The following MAN2A1 variants were observed in gnomAD, a reference collection of about 807,000 sequenced individuals.
The protein encoded by MAN2A1 is alpha-mannosidase 2.
In MAN2A1, 76 loss-of-function variants were observed where a neutral mutation model predicts 142.6. The ratio of observed to expected loss-of-function variants is 0.53; its 90% confidence interval spans 0.44 to 0.65. The LOEUF (loss-of-function observed/expected upper bound fraction) is 0.65. MAN2A1 is among the 30% of genes least tolerant of loss of function. The pLI, the probability that MAN2A1 is intolerant of heterozygous loss-of-function variation, is 0.00. For synonymous variants in MAN2A1, 559 were observed against 473.2 expected, an observed-to-expected ratio of 1.18 and a Z score of -2.35; for missense variants, 1,311 against 1,365.1, an observed-to-expected ratio of 0.96 and a Z score of 0.62.
Position 109,817,332 on chromosome 5 carries a change from T to C in MAN2A1, c.2003T>C (p.Val668Ala), listed in dbSNP as rs748112703. Residue 668 changes from valine (V) to alanine (A), a missense_variant, in exon 13 of 22, where the codon GTG becomes GCG. Val to Ala is a moderately conservative substitution (Grantham distance 64). Coordinates refer to ENST00000261483, the MANE Select transcript of MAN2A1 (RefSeq NM_002372.4). ...QDRISLVSVY[V>A]SSPTVQVFSA... ...CGAATCTCGTTGGTCTCAGTCTATG[T>C]GAGTTCCCCGACAGTGCAAGTGTTC... 36 of 1,614,070 alleles carry C rather than the reference T, an allele frequency of 2.2e-5. No homozygotes were observed. The highest frequency in any genetic ancestry group is 3.3e-5 in the Admixed American group (2 of 60,002).
chr5:109,865,842 C>G (rs1291751466), intron 21 of MAN2A1, among the ~76,000 whole-genome samples: 1 of 152,200 alleles, frequency 6.6e-6, no homozygotes, highest in African/African-American at 2.4e-5. Flanking sequence ...AACAAACCTC[C>G]AATCTCCTGC....
At chr5:109,807,701 G>A (rs1046689955) in intron 12 of MAN2A1, among the ~76,000 whole-genome samples, 6 of 152,088 alleles carry the variant, frequency 3.9e-5, no homozygotes, top group African/African-American at 1.2e-4. Context: ...ACCGTGAGCT[G>A]TAATTTAATC....
chr5:109,778,083 C>CAAA (rs373860065), intron 8 of MAN2A1, among the ~76,000 whole-genome samples: 11 of 145,408 alleles, frequency 7.6e-5, no homozygotes, highest in Middle Eastern at 7.3e-3. Context: ...AAATTTCTAC[C>CAAA]AAAAAAAAAA....
chr5:109,783,363 A>G (rs903558231), intron 9 of MAN2A1, among the ~76,000 whole-genome samples: 5 of 152,172 alleles, frequency 3.3e-5, no homozygotes, highest in Admixed American at 3.3e-4. Flanking sequence ...TATAGGGAAG[A>G]CAATATTTCC....
intron 12 of MAN2A1, among the ~76,000 whole-genome samples, chr5:109,798,950 C>G (rs984783218): frequency 1.3e-5 from 2 of 152,140 alleles, no homozygotes; most frequent in African/African-American, 4.8e-5. Flanking sequence ...CCTCAGCCTC[C>G]AAAAGTGCTG....
intron 1 of MAN2A1, among the ~76,000 whole-genome samples, chr5:109,691,763 A>G (rs1056056726): frequency 6.6e-6 from 1 of 152,218 alleles, no homozygotes; most frequent in South Asian, 2.1e-4. Flanking sequence ...AGAGAGATGT[A>G]TCAAAATTTT....
chr5:109,755,266 T>G lies in MAN2A1; in HGVS notation c.708-63T>G, dbSNP rs1752658224. 6 of 1,272,230 alleles carry G rather than the reference T, an allele frequency of 4.7e-6. No homozygotes were observed. In the Admixed American group the frequency reaches 1.1e-4, roughly 23 times the overall value. 78.8% of individuals were successfully genotyped at this position (1,272,230 alleles called of 1,614,324 possible). The stretch of plus-strand genomic sequence containing the variant: ...GCTGTTCTTAATGTTTATGCTTGTT[T>G]AGTTTTTCATTTGAACTTTTCTTAA... On this transcript the variant is annotated intron_variant, in intron 4 of 21. Coordinates refer to ENST00000261483, the MANE Select transcript of MAN2A1 (RefSeq NM_002372.4).
intron 5 of MAN2A1, among the ~76,000 whole-genome samples, chr5:109,762,370 T>G (rs1582871600): frequency 1.3e-5 from 2 of 152,172 alleles, no homozygotes; most frequent in East Asian, 3.9e-4. Flanking sequence ...CTTTGCTCCT[T>G]TTGTCTGTTT....
chr5:109,861,185 C>A (rs1013560798), intron 20 of MAN2A1, among the ~76,000 whole-genome samples: 1 of 152,128 alleles, frequency 6.6e-6, no homozygotes, highest in African/African-American at 2.4e-5. Flanking sequence ...TAATAATACT[C>A]ACCTTAGAGA....
In MAN2A1 at chr5:109,774,950, C is replaced by A. The variant is rs765330250; in HGVS notation, c.1359C>A (p.Ser453=). The change falls in exon 8 of 22, where the codon TCC becomes TCA. Residue 453 remains serine, a synonymous_variant. Coordinates refer to ENST00000261483, the MANE Select transcript of MAN2A1 (RefSeq NM_002372.4). ...QQLFDYMNSQ[S]KFKVKIQFGT... ...TTTTTGATTATATGAATTCTCAGTCCAAGTTTAAAGTTAAGGTAAGGAGAA... is the reference window on the plus strand; with the variant it reads ...TTTTTGATTATATGAATTCTCAGTCAAAGTTTAAAGTTAAGGTAAGGAGAA... The A allele has an allele frequency of 1.2e-6, 2 of 1,601,750 alleles. No individual in the cohort carries two copies. The highest frequency in any genetic ancestry group is 1.1e-5 in the South Asian group (1 of 89,054).
Position 109,819,749 on chromosome 5 carries a change from A to T in MAN2A1, c.2190A>T (p.Leu730Phe), listed in dbSNP as rs1347291752. ...ILESASSNSH[L>F]ADYVLYKNKV... ...AATCAGCAAGTTCAAATTCACATTT[A>T]GCTGATTATGTCTTGTATAAGAATA... The change falls in exon 14 of 22, where the codon TTA (leucine) becomes TTT (phenylalanine). Residue 730 changes from leucine (L) to phenylalanine (F), a missense_variant. Transcript: ENST00000261483. 1 of 1,612,034 alleles carries T rather than the reference A, an allele frequency of 6.2e-7. No individual in the cohort carries two copies. The highest frequency in any genetic ancestry group is 1.7e-5 in the Admixed American group (1 of 59,876).
At chr5:109,758,057 T>G (rs1471765285) in intron 5 of MAN2A1, among the ~76,000 whole-genome samples, 1 of 152,162 alleles carries the variant, frequency 6.6e-6, no homozygotes. Context: ...GTAGAATTGC[T>G]GAGTTATATG....
intron 1 of MAN2A1, among the ~76,000 whole-genome samples, chr5:109,700,843 C>T (rs1750959692): frequency 6.6e-6 from 1 of 152,130 alleles, no homozygotes; most frequent in Non-Finnish European, 1.5e-5. Context: ...TACCCATATC[C>T]AACATATATT....
At chr5:109,723,624 C>T (rs77525775) in intron 3 of MAN2A1, among the ~76,000 whole-genome samples, 2,085 of 152,242 alleles carry the variant, frequency 0.014, 28 homozygotes, top group Non-Finnish European at 0.023. Flanking sequence ...TTTGAAAGCA[C>T]AGGTCAGAAA....
chr5:109,746,871 C>T (rs2112215), intron 4 of MAN2A1, among the ~76,000 whole-genome samples: 3 of 152,092 alleles, frequency 2.0e-5, no homozygotes, highest in African/African-American at 7.2e-5. Flanking sequence ...AATTTTTGTC[C>T]TTTTCTGTCT....
At chr5:109,718,329 T>C (rs1751511437) in intron 3 of MAN2A1, among the ~76,000 whole-genome samples, 1 of 152,242 alleles carries the variant, frequency 6.6e-6, no homozygotes, top group African/African-American at 2.4e-5. Flanking sequence ...CAATCTCATT[T>C]CTTGTTATTC....
At chr5:109,709,731 A>G (rs925058396) in intron 1 of MAN2A1, among the ~76,000 whole-genome samples, 5 of 152,106 alleles carry the variant, frequency 3.3e-5, no homozygotes, top group African/African-American at 1.2e-4. Context: ...TCTTTCACTA[A>G]AAGCGGAGTA....
intron 16 of MAN2A1, among the ~76,000 whole-genome samples, chr5:109,825,485 A>T (rs1466108985): frequency 6.6e-6 from 1 of 152,148 alleles, no homozygotes; most frequent in Non-Finnish European, 1.5e-5. Flanking sequence ...TTTTGCTTTT[A>T]TTTAATTATG....
rs10524185 is a variant in MAN2A1 at position 109,817,172 on chromosome 5, A to ATATATG, written c.1944-77_1944-72dup. ...CAGAGTGAGACGCTATCTCAAAAATATATATGTATATGTATATGTATATGT... is the reference window on the plus strand; with the variant it reads ...CAGAGTGAGACGCTATCTCAAAAATATATATGTATATGTATATGTATATGTATATGT... On this transcript the variant is annotated intron_variant, in intron 12 of 21. Transcript: ENST00000261483. 1,214 of 1,029,092 alleles carry ATATATG rather than the reference A, an allele frequency of 1.2e-3. 5 individuals are homozygous for ATATATG. Among genetic ancestry groups the ATATATG allele is most frequent in the African/African-American group, 6.0e-3 (366 of 60,692 alleles). The allele number at this position is 1,029,092 out of a possible 1,614,324, so 63.7% of individuals were successfully genotyped here.
Sources: allele counts gnomAD v4.1 joint callset (sites outside exome capture counted in the v4.1 genomes callset), GRCh38; gene constraint gnomAD v4.1.1; transcripts MANE v1.5; gene names NCBI Gene and HGNC (gene_info 2026-07-23, HGNC 2026-07-21).